The following MROH9 variants were observed in gnomAD, a reference collection of about 807,000 sequenced individuals.
The protein encoded by MROH9 is maestro heat-like repeat-containing protein family member 9.
In MROH9, 92 loss-of-function variants were observed where a neutral mutation model predicts 98.2. The ratio of observed to expected loss-of-function variants is 0.94; its 90% CI spans 0.79 to 1.11. The LOEUF (loss-of-function observed/expected upper bound fraction) is 1.11, where lower values mean the gene tolerates loss of function less well. Among genes scored for constraint, MROH9 ranks in the 50% most tolerant of loss-of-function variants. The probability of loss-of-function intolerance (pLI) is 0.00; values close to 1 mark genes in which losing one functional copy is unlikely to be tolerated. For missense variants in MROH9, 1,057 were observed against 1,014.8 expected (o/e 1.04, Z -0.57); for synonymous variants, 397 against 368.9 (o/e 1.08, Z -0.87).
At chr1:171,052,854 T>C (rs1031186750) in intron 20 of MROH9, among the ~76,000 whole-genome samples, 1 of 152,052 alleles carries the variant, frequency 6.6e-6, no homozygotes, top group Non-Finnish European at 1.5e-5. Context: ...AAAATACGCC[T>C]TAGTAGGGAG....
intron 4 of MROH9, among the ~76,000 whole-genome samples, chr1:170,958,928 A>G (rs1056666740): frequency 6.6e-6 from 1 of 152,222 alleles, no homozygotes; most frequent in Non-Finnish European, 1.5e-5. Flanking sequence ...TTTATGGAGA[A>G]ATATATTCTG....
rs187468823 is a variant in MROH9, at chr1:171,056,353, A to T, written c.2282-5779A>T. On this transcript the variant is annotated intron_variant, in intron 20 of 21. Transcript: ENST00000367759. ...TCCCAAAAGGTGTCCCCAACAGCCC[A>T]ACATACCAGCTGTGGAAGACTGCAG... Among the ~76,000 whole-genome samples the T allele has an allele frequency of 1.9e-4, 29 of 152,290 alleles. No homozygotes were observed. In the East Asian group the frequency reaches 5.0e-3, roughly 26 times the overall value.
chr1:171,013,914 CAG>C (rs1426286976), intron 15 of MROH9, among the ~76,000 whole-genome samples: 23 of 142,278 alleles, frequency 1.6e-4, no homozygotes, highest in East Asian at 1.0e-3. Flanking sequence ...CACACACACA[CAG>C]ACAGACAAAA....
rs1648988064 is a variant in MROH9, at chr1:170,938,502, C to A, written c.-38+2915C>A. On this transcript the variant is annotated intron_variant, in intron 1 of 21. Transcript: ENST00000367759. ...TGACGTAACTGAGTCTTCAAAAGGT[C>A]ATTCCACCGTTCCATCAAACAAGTG... Among the ~76,000 whole-genome samples the A allele has an allele frequency of 2.6e-5, 4 of 152,206 alleles. No homozygotes were observed. In the South Asian group the frequency reaches 8.3e-4, roughly 32 times the overall value.
intron 20 of MROH9, among the ~76,000 whole-genome samples, chr1:171,056,360 C>T (rs559322461): frequency 5.9e-5 from 9 of 152,260 alleles, no homozygotes; most frequent in African/African-American, 1.9e-4. Flanking sequence ...CCCAACATAC[C>T]AGCTGTGGAA....
chr1:170,988,147 G>C (rs1651220237), intron 10 of MROH9, among the ~76,000 whole-genome samples: 1 of 152,134 alleles, frequency 6.6e-6, no homozygotes, highest in Non-Finnish European at 1.5e-5. Context: ...ACAAAGTAAG[G>C]GTACCTTCTC....
At chr1:170,979,909 G>C (rs1650859400) in intron 8 of MROH9, among the ~76,000 whole-genome samples, 1 of 152,108 alleles carries the variant, frequency 6.6e-6, no homozygotes. Context: ...CAAAATCAAT[G>C]TGCAGAAATC....
Position 170,984,845 on chromosome 1 carries a change from C to A in MROH9, c.729+1311C>A, listed in dbSNP as rs115770710. On this transcript the variant is annotated intron_variant, in intron 9 of 21. Transcript: ENST00000367759. The stretch of plus-strand genomic sequence containing the variant: ...GCTGGAAAACCTGGAGTTGGGACTT[C>A]CAGTAGTAGATGGAACAGGTAAATT... Among the ~76,000 whole-genome samples the A allele has an allele frequency of 6.3e-3, 957 of 152,214 alleles. 8 individuals carry two copies. The highest frequency in any genetic ancestry group is 0.022 in the African/African-American group (896 of 41,522).
In MROH9 at chr1:170,945,446, T is replaced by C. The variant is rs908500561; in HGVS notation, c.-37-74T>C. On this transcript the variant is annotated intron_variant, in intron 1 of 21. Transcript: ENST00000367759. Reference sequence around the variant, plus strand: ...CCACATACTGTATATCATAGTACCATCCATATTGATAGAGCAAAACAAAAC... The same window carrying C: ...CCACATACTGTATATCATAGTACCACCCATATTGATAGAGCAAAACAAAAC... The C allele has an allele frequency of 4.3e-6, 4 of 922,452 alleles. No individual in the cohort carries two copies. The African/African-American group carries it at 6.6e-5, about 15-fold the overall frequency. 57.1% of individuals were successfully genotyped at this position (922,452 alleles called of 1,614,324 possible).
chr1:171,026,704 A>G (rs1289109870), intron 20 of MROH9, among the ~76,000 whole-genome samples: 1 of 152,206 alleles, frequency 6.6e-6, no homozygotes, highest in Non-Finnish European at 1.5e-5. Context: ...AAGAAACAGC[A>G]TTATCTTTCT....
rs560898028 is a variant in MROH9 at position 171,027,594 on chromosome 1, G to A, written c.2281+2174G>A. 1.2e-3 allele frequency among the ~76,000 whole-genome samples: 186 copies of A among 152,266 alleles called. 1 individual carries two copies. In the South Asian group the frequency reaches 0.013, roughly 11 times the overall value. On this transcript the variant is annotated intron_variant, in intron 20 of 21. Coordinates refer to ENST00000367759, the MANE Select transcript of MROH9 (RefSeq NM_001163629.2). ...TAGTAAAGGGATTGCTGGGTTAAATGGTATTTCTGGTCCTAGATCCTTGAG... is the reference window on the plus strand; with the variant it reads ...TAGTAAAGGGATTGCTGGGTTAAATAGTATTTCTGGTCCTAGATCCTTGAG...
intron 6 of MROH9, among the ~76,000 whole-genome samples, chr1:170,963,926 A>T (rs1459896220): frequency 6.6e-6 from 1 of 152,108 alleles, no homozygotes; most frequent in Non-Finnish European, 1.5e-5. Context: ...AAACCTGCAC[A>T]TGTACCTCTG....
At chr1:171,009,098 TAGATATTAA>T (rs1439285669) in intron 15 of MROH9, among the ~76,000 whole-genome samples, 2 of 151,410 alleles carry the variant, frequency 1.3e-5, no homozygotes, top group Non-Finnish European at 2.9e-5. Context: ...AAAGATAAAC[TAGATATTAA>T]AGAAACTGGT....
chr1:171,024,549 T>C lies in MROH9; in HGVS notation c.2061+2T>C. On this transcript the variant is annotated splice_donor_variant, in intron 18 of 21. Transcript: ENST00000367759. LOFTEE classifies it high-confidence loss of function. ...GATGATGATAAAAGAGTAGCTGAAG[T>C]AAGTCATTTGATCTTCTTTTTCATA... is the stretch of plus-strand genomic sequence containing the variant. 6.5e-7 allele frequency: 1 copy of C among 1,528,420 alleles called. No individual in the cohort carries two copies. Among genetic ancestry groups the C allele is most frequent in the Non-Finnish European group, 8.8e-7 (1 of 1,137,474 alleles). 94.7% of individuals were successfully genotyped at this position (1,528,420 alleles called of 1,614,324 possible).
chr1:170,978,461 C>A (rs1203939718), intron 8 of MROH9, among the ~76,000 whole-genome samples: 1 of 152,122 alleles, frequency 6.6e-6, no homozygotes, highest in Admixed American at 6.5e-5. Context: ...CAGTTGTAAG[C>A]CAGGGGCCCT....
At chr1:171,005,183 G>C (rs994454053) in intron 15 of MROH9, among the ~76,000 whole-genome samples, 2 of 152,054 alleles carry the variant, frequency 1.3e-5, no homozygotes, top group Non-Finnish European at 2.9e-5. Flanking sequence ...TTCCACCTTA[G>C]CCTCCAGAGT....
chr1:170,964,870 C>G (rs1434019639), intron 6 of MROH9, among the ~76,000 whole-genome samples: 4 of 152,032 alleles, frequency 2.6e-5, no homozygotes, highest in Admixed American at 2.0e-4. Flanking sequence ...TAGCTTCGTA[C>G]TGAACTATTC....
chr1:170,947,615 C>T (rs963733157), intron 3 of MROH9, 42 bp downstream of exon 3: 3 of 1,539,148 alleles, frequency 1.9e-6, no homozygotes, highest in African/African-American at 1.4e-5. Context: ...ACTGAATTCT[C>T]TTGGAAAAAA....
intron 3 of MROH9, among the ~76,000 whole-genome samples, chr1:170,952,009 T>G (rs936527945): frequency 2.6e-5 from 4 of 152,196 alleles, no homozygotes; most frequent in African/African-American, 9.6e-5. Context: ...ATGCTCATCA[T>G]CACTGGCCAT....
Sources: gnomAD v4.1 joint callset for allele counts (sites outside exome capture counted in the v4.1 genomes callset) on GRCh38, gnomAD v4.1.1 for gene constraint, MANE v1.5 for transcripts, NCBI Gene and HGNC (gene_info 2026-07-23, HGNC 2026-07-21) for gene names.